Variants in IFFO2 observed in about 807,000 individuals in gnomAD.
IFFO2 encodes intermediate filament family orphan 2.
A neutral mutation model predicts 53.5 loss-of-function variants in IFFO2; 19 were observed. That is an observed-to-expected ratio of 0.36 (90% CI 0.25 to 0.52). IFFO2 has a LOEUF of 0.52. Ranked by LOEUF, IFFO2 falls within the 20% of genes least tolerant of loss-of-function variation. The pLI is 0.94. For synonymous variants in IFFO2, 303 were observed against 313.6 expected, an observed-to-expected ratio of 0.97 and a Z score of 0.36; for missense variants, 570 against 727.4, an observed-to-expected ratio of 0.78 and a Z score of 2.49.
At chr1:18,913,874 A>G (rs1333058345) in intron 5 of IFFO2, among the ~76,000 whole-genome samples, 1 of 152,210 alleles carries the variant, frequency 6.6e-6, no homozygotes, top group Non-Finnish European at 1.5e-5. Flanking sequence ...GCTGTCGCCC[A>G]GGCTGGAGTG....
chr1:18,948,353 T>A (rs1303947824), intron 1 of IFFO2, among the ~76,000 whole-genome samples: 3 of 152,170 alleles, frequency 2.0e-5, no homozygotes, highest in Admixed American at 1.3e-4. Context: ...GAGAACGTAG[T>A]CTTCATAGGG....
chr1:18,943,718 T>C (rs1038672044), intron 1 of IFFO2, among the ~76,000 whole-genome samples: 1 of 152,096 alleles, frequency 6.6e-6, no homozygotes, highest in Non-Finnish European at 1.5e-5. Flanking sequence ...GGCAGATCAG[T>C]GTCAGCATCC....
intron 1 of IFFO2, among the ~76,000 whole-genome samples, chr1:18,949,775 G>A (rs1167510121): frequency 6.6e-6 from 1 of 152,250 alleles, no homozygotes; most frequent in Non-Finnish European, 1.5e-5. Flanking sequence ...GCATGTGTAT[G>A]TGAATGTGTG....
intron 1 of IFFO2, among the ~76,000 whole-genome samples, chr1:18,953,228 G>C (rs1203680116): frequency 9.2e-5 from 14 of 152,200 alleles, no homozygotes; most frequent in African/African-American, 3.4e-4. Flanking sequence ...TCAGAAGCGG[G>C]CTGGGAGCTC....
intron 1 of IFFO2, among the ~76,000 whole-genome samples, chr1:18,946,564 G>A (rs1049414833): frequency 1.3e-5 from 2 of 151,944 alleles, no homozygotes; most frequent in Admixed American, 1.3e-4. Flanking sequence ...ACAGGTGCCT[G>A]CCACCATGCC....
intron 7 of IFFO2, 112 bp downstream of exon 7, chr1:18,911,272 G>T (rs148288373): frequency 1.2e-5 from 6 of 481,274 alleles, no homozygotes; most frequent in Non-Finnish European, 1.8e-5. Context: ...TCCTGCGCCT[G>T]CCCCACTCTA....
intron 5 of IFFO2, among the ~76,000 whole-genome samples, chr1:18,913,931 A>C (rs902703220): frequency 4.6e-4 from 70 of 150,612 alleles, no homozygotes; most frequent in African/African-American, 1.7e-3. Flanking sequence ...CCTGGGGTTC[A>C]CGCCATTCTC....
chr1:18,955,733 C>A lies in IFFO2; in HGVS notation c.600G>T (p.Pro200=), dbSNP rs377415100. Residue 200 remains proline (P), a synonymous_variant, in exon 1 of 9, where the codon CCG becomes CCT. Transcript: ENST00000455833. ...GVGVQIDTIT[P]EIRALYNVLA... is the part of the protein sequence containing the mutation. ...GCACGTTGTAGAGCGCGCGGATCTC[C>A]GGCGTGATGGTGTCGATCTGCACGC... 2 of 1,591,032 alleles carry A rather than the reference C, an allele frequency of 1.3e-6. No homozygotes were observed. The highest frequency in any genetic ancestry group is 2.3e-5 in the South Asian group (2 of 88,658).
At chr1:18,929,250 G>T (rs547135829) in intron 1 of IFFO2, among the ~76,000 whole-genome samples, 1 of 152,206 alleles carries the variant, frequency 6.6e-6, no homozygotes, top group Non-Finnish European at 1.5e-5. Flanking sequence ...TAGGGCTCAT[G>T]GATGGATCAG....
chr1:18,926,928 A>C (rs1449438480), intron 1 of IFFO2, among the ~76,000 whole-genome samples: 2 of 152,134 alleles, frequency 1.3e-5, no homozygotes, highest in South Asian at 2.1e-4. Context: ...AAAACAATGA[A>C]GCCCTCCAGG....
In IFFO2 at chr1:18,917,749, G is replaced by T. The variant is rs1936156208; in HGVS notation, c.963+613C>A. Among the ~76,000 whole-genome samples, 1 of 151,878 alleles carries T rather than the reference G, an allele frequency of 6.6e-6. No homozygotes were observed. ...GAATGACATGTGCCTCATTCGGCTGGACTGGCCCCCCAAGCCCTCTCTGGA... is the reference window on the plus strand; with the variant it reads ...GAATGACATGTGCCTCATTCGGCTGTACTGGCCCCCCAAGCCCTCTCTGGA... On this transcript the variant is annotated intron_variant, in intron 4 of 8. Coordinates refer to ENST00000455833, the MANE Select transcript of IFFO2 (RefSeq NM_001136265.2). This position sits in a 1 kb window ranked among gnomAD's most constrained non-coding sequence, Gnocchi z 5.9.
At chr1:18,948,954 T>C (rs911028767) in intron 1 of IFFO2, among the ~76,000 whole-genome samples, 5 of 152,234 alleles carry the variant, frequency 3.3e-5, no homozygotes, top group Non-Finnish European at 7.3e-5. Flanking sequence ...GTTTTACAGA[T>C]GAAGAAACTG....
At chr1:18,942,190 C>T (rs1936530007) in intron 1 of IFFO2, among the ~76,000 whole-genome samples, 1 of 152,188 alleles carries the variant, frequency 6.6e-6, no homozygotes, top group African/African-American at 2.4e-5. Flanking sequence ...GAAAGGCTGC[C>T]CTGTCTCCTT....
intron 8 of IFFO2, 79 bp from the exon 9 acceptor site, chr1:18,908,745 T>C: frequency 1.0e-6 from 1 of 989,706 alleles, no homozygotes. Context: ...AAGGCTGAGC[T>C]GCCACTTCTA....
intron 1 of IFFO2, among the ~76,000 whole-genome samples, chr1:18,934,384 T>C (rs1182330464): frequency 6.6e-6 from 1 of 152,188 alleles, no homozygotes; most frequent in East Asian, 1.9e-4. Context: ...GCTGATTTCA[T>C]TTAGCATAAT....
Position 18,956,056 on chromosome 1 carries a change from C to T in IFFO2, c.277G>A (p.Glu93Lys), listed in dbSNP as rs1385810267. The part of the protein sequence containing the change: ...KQLEQQQSER[E>K]RRLRYKTFSR... ...AAGGTCTTGTAGCGCAGCCGCCGCTCGCGCTCGCTCTGCTGCTGCTCCAGC... is the reference window on the plus strand; with the variant it reads ...AAGGTCTTGTAGCGCAGCCGCCGCTTGCGCTCGCTCTGCTGCTGCTCCAGC... The change falls in exon 1 of 9, where the codon GAG becomes AAG. Residue 93 changes from glutamate to lysine, a missense_variant. By Grantham distance (56) the Glu-to-Lys change is moderately conservative. Coordinates refer to ENST00000455833, the MANE Select transcript of IFFO2 (RefSeq NM_001136265.2). This position sits in a 1 kb window ranked among gnomAD's most constrained non-coding sequence, Gnocchi z 6.4. 7.4e-6 allele frequency: 11 copies of T among 1,478,554 alleles called. No individual in the cohort carries two copies. The Admixed American group carries it at 2.3e-4, about 31-fold the overall frequency. 91.6% of individuals were successfully genotyped at this position (1,478,554 alleles called of 1,614,324 possible). A position where few individuals can be genotyped will look rare whatever the true frequency, so the allele number is the denominator to read the frequency against.
rs760777147 is a variant in IFFO2, at chr1:18,922,717, G to C, written c.666-1596C>G. On this transcript the variant is annotated intron_variant, in intron 1 of 8. Coordinates refer to ENST00000455833, the MANE Select transcript of IFFO2 (RefSeq NM_001136265.2). Reference sequence around the variant, plus strand: ...TGGAGGGCACAGAGAAAGCTAAGAGGGGGCAGGGAGGGAACCTAAGGGCCT... The same window carrying C: ...TGGAGGGCACAGAGAAAGCTAAGAGCGGGCAGGGAGGGAACCTAAGGGCCT... Among the ~76,000 whole-genome samples, 212 of 152,118 alleles carry C rather than the reference G, an allele frequency of 1.4e-3. 2 individuals are homozygous for C. Among genetic ancestry groups the C allele is most frequent in the Non-Finnish European group, 4.6e-4 (31 of 68,016 alleles).
chr1:18,933,924 C>T (rs1054094755), intron 1 of IFFO2, among the ~76,000 whole-genome samples: 2 of 151,960 alleles, frequency 1.3e-5, no homozygotes, highest in East Asian at 1.9e-4. Context: ...AGTAGTACCC[C>T]GTACCCCTCT....
At chr1:18,952,937 G>A (rs1936677451) in intron 1 of IFFO2, among the ~76,000 whole-genome samples, 3 of 152,248 alleles carry the variant, frequency 2.0e-5, no homozygotes. Flanking sequence ...AATCATGGAG[G>A]TGGAACTCAA....
Sources: allele counts gnomAD v4.1 joint callset (sites outside exome capture counted in the v4.1 genomes callset), GRCh38; gene constraint gnomAD v4.1.1; non-coding constraint Gnocchi (gnomAD v3.1); transcripts MANE v1.5; gene names NCBI Gene and HGNC (gene_info 2026-07-23, HGNC 2026-07-21).